Variants in CLEC16A observed in about 807,000 individuals in gnomAD.
The protein encoded by CLEC16A is C-type lectin domain containing 16A.
Under a neutral mutation model 109.5 loss-of-function variants are expected in CLEC16A, and 51 were observed. The observed-to-expected ratio is 0.47, with a 90% confidence interval of 0.37 to 0.59. CLEC16A has a LOEUF of 0.59. Among genes scored for constraint, CLEC16A ranks in the 20% least tolerant of loss-of-function variants. The probability of loss-of-function intolerance (pLI) is 0.00; values close to 1 mark genes in which losing one functional copy is unlikely to be tolerated. For synonymous variants in CLEC16A, 673 were observed against 564.2 expected, an observed-to-expected ratio of 1.19 and a Z score of -2.73; for missense variants, 1,339 against 1,394.0, an observed-to-expected ratio of 0.96 and a Z score of 0.63.
chr16:11,019,111 A>G (rs2045939618), intron 11 of CLEC16A, among the ~76,000 whole-genome samples: 1 of 152,206 alleles, frequency 6.6e-6, no homozygotes. Flanking sequence ...ACAGAAGTGC[A>G]GGTTCACATT....
intron 1 of CLEC16A, among the ~76,000 whole-genome samples, chr16:10,953,110 C>G (rs1403051327): frequency 3.3e-5 from 5 of 152,202 alleles, no homozygotes; most frequent in African/African-American, 1.2e-4. Context: ...AGTTGGAAGA[C>G]TTAATTACTA....
chr16:10,946,585 C>T (rs1420792313), intron 1 of CLEC16A, among the ~76,000 whole-genome samples: 3 of 151,954 alleles, frequency 2.0e-5, no homozygotes, highest in East Asian at 1.9e-4. Context: ...ATCGAGTGGG[C>T]GGAGGTGGCT....
At chr16:11,071,085 G>T (rs548966991) in intron 19 of CLEC16A, 100 of 152,310 alleles carry the variant, frequency 6.6e-4, no homozygotes, top group African/African-American at 2.4e-3. Context: ...TATTTTCATC[G>T]GATTGCCTGG....
At chr16:11,031,688 T>G (rs1253884751) in intron 13 of CLEC16A, among the ~76,000 whole-genome samples, 2 of 152,216 alleles carry the variant, frequency 1.3e-5, no homozygotes, top group Non-Finnish European at 2.9e-5. Context: ...TTTCATGGAA[T>G]CTGGATTCTC....
In CLEC16A at chr16:11,012,560, A is replaced by C. The variant is rs548409745; in HGVS notation, c.1304-7633A>C. On this transcript the variant is annotated intron_variant, in intron 11 of 23. Transcript: ENST00000409790. ...TGGTGAGCCGAGATCACGCCACTGC[A>C]CTCCAGCCTGGGCGATAGAGTGAGA... Among the ~76,000 whole-genome samples, 13 of 137,564 alleles carry C rather than the reference A, an allele frequency of 9.5e-5. 1 individual carries two copies. The South Asian group carries it at 3.1e-3, about 32-fold the overall frequency. The allele number at this position is 137,564 out of a possible 152,430, so 90.2% of individuals were successfully genotyped here.
At chr16:11,066,963 G>C (rs1435860442) in intron 19 of CLEC16A, among the ~76,000 whole-genome samples, 2 of 151,982 alleles carry the variant, frequency 1.3e-5, no homozygotes, top group Non-Finnish European at 2.9e-5. Flanking sequence ...GCCAACTTTT[G>C]TTTGTTTACC....
chr16:11,120,356 A>G (rs941215001), intron 19 of CLEC16A, among the ~76,000 whole-genome samples: 1 of 152,224 alleles, frequency 6.6e-6, no homozygotes, highest in African/African-American at 2.4e-5. Context: ...TATGCTTTAT[A>G]TCAGTCCTAA....
At chr16:10,944,871 T>A in intron 1 of CLEC16A, 74 bp downstream of exon 1, 1 of 1,404,466 alleles carries the variant, frequency 7.1e-7, no homozygotes, top group Non-Finnish European at 9.8e-7. Flanking sequence ...GGGTCGGGGC[T>A]CTAGGAGGCG....
intron 2 of CLEC16A, 29 bp from the exon 3 acceptor site, chr16:10,962,426 C>G: frequency 6.2e-7 from 1 of 1,613,564 alleles, no homozygotes; most frequent in Non-Finnish European, 8.5e-7. Flanking sequence ...TGGAAGCAAG[C>G]CACTGATGCT....
intron 19 of CLEC16A, among the ~76,000 whole-genome samples, chr16:11,103,126 C>T (rs2051017693): frequency 6.6e-6 from 1 of 152,198 alleles, no homozygotes; most frequent in South Asian, 2.1e-4. Context: ...GCCTCAAACC[C>T]CAGAGGTTTG....
chr16:11,146,239 C>T (rs2054050959), intron 22 of CLEC16A, among the ~76,000 whole-genome samples: 1 of 152,160 alleles, frequency 6.6e-6, no homozygotes, highest in Non-Finnish European at 1.5e-5. Flanking sequence ...GAGCACTCAA[C>T]CTCTCCTGAC....
intron 19 of CLEC16A, among the ~76,000 whole-genome samples, chr16:11,074,972 A>G (rs1356709461): frequency 6.6e-6 from 1 of 152,148 alleles, no homozygotes; most frequent in Non-Finnish European, 1.5e-5. Context: ...CAGGAGTTGG[A>G]GACCAGCCTG....
chr16:11,088,329 C>T (rs908820943), intron 19 of CLEC16A, among the ~76,000 whole-genome samples: 2 of 152,228 alleles, frequency 1.3e-5, no homozygotes, highest in Non-Finnish European at 2.9e-5. Context: ...CCAGCTCATC[C>T]TTGCCAGGTG....
At chr16:11,158,938 G>A (rs1038746479) in intron 22 of CLEC16A, among the ~76,000 whole-genome samples, 1 of 150,944 alleles carries the variant, frequency 6.6e-6, no homozygotes, top group Non-Finnish European at 1.5e-5. Flanking sequence ...AAAAAAAACA[G>A]AGGCTGGAGA....
At chr16:11,029,010 G>A (rs2046586531) in intron 13 of CLEC16A, among the ~76,000 whole-genome samples, 1 of 151,992 alleles carries the variant, frequency 6.6e-6, no homozygotes, top group South Asian at 2.1e-4. Flanking sequence ...TTTTTTGCAT[G>A]CCTGGTCATT....
chr16:11,156,887 A>G (rs1250079850), intron 22 of CLEC16A, among the ~76,000 whole-genome samples: 1 of 149,710 alleles, frequency 6.7e-6, no homozygotes, highest in East Asian at 2.0e-4. Flanking sequence ...AGATGCACGC[A>G]TTCCTCATAT....
At chr16:11,034,665 G>A (rs577505652) in intron 13 of CLEC16A, among the ~76,000 whole-genome samples, 1 of 152,166 alleles carries the variant, frequency 6.6e-6, no homozygotes, top group Non-Finnish European at 1.5e-5. Context: ...GGCTGTGGGC[G>A]GGGCAGGGAA....
At chr16:11,097,320 A>G (rs1224560101) in intron 19 of CLEC16A, among the ~76,000 whole-genome samples, 1 of 152,060 alleles carries the variant, frequency 6.6e-6, no homozygotes, top group Admixed American at 6.6e-5. Flanking sequence ...ATCCCTTACC[A>G]ATTTTCTTAT....
chr16:11,060,876 C>G, intron 18 of CLEC16A, 26 bp from the exon 19 acceptor site: 6 of 1,586,778 alleles, frequency 3.8e-6, no homozygotes, highest in Non-Finnish European at 2.6e-6. Context: ...TCTCACTCTT[C>G]TCTGCTCTCT....
Sources: allele counts gnomAD v4.1 joint callset (sites outside exome capture counted in the v4.1 genomes callset), GRCh38; gene constraint gnomAD v4.1.1; transcripts MANE v1.5; gene names NCBI Gene and HGNC (gene_info 2026-07-23, HGNC 2026-07-21).